Variants in CRYL1 observed in about 807,000 individuals in gnomAD.
CRYL1 encodes the protein lambda-crystallin homolog.
A neutral mutation model predicts 36.6 loss-of-function variants in CRYL1; 29 were observed. The ratio of observed to expected loss-of-function variants is 0.79; its 90% CI spans 0.59 to 1.08. The LOEUF is 1.08. Ranked by LOEUF, CRYL1 falls within the 50% of genes least tolerant of loss-of-function variation. The pLI, the probability that CRYL1 is intolerant of heterozygous loss-of-function variation, is 0.00. For missense variants in CRYL1, 411 were observed against 407.9 expected (o/e 1.01, Z -0.06); for synonymous variants, 152 against 151.5 (o/e 1.00, Z -0.02).
chr13:20,439,711 G>A lies in CRYL1; in HGVS notation c.320C>T (p.Ala107Val). ...EDLELKKKIF[A>V]QLDSIIDDRV... ...ATCATCAATGATGGAATCTAACTGA[G>A]CAAAAATCTTCTTCTTCAGTTCTAG... Residue 107 changes from alanine (A) to valine (V), a missense_variant, in exon 4 of 8, where the codon GCT (alanine) becomes GTT (valine). By Grantham distance (64) the Ala-to-Val change is moderately conservative. Transcript: ENST00000298248. The A allele has an allele frequency of 1.9e-6, 3 of 1,613,906 alleles. No individual in the cohort carries two copies. The highest frequency in any genetic ancestry group is 1.6e-4 in the Middle Eastern group (1 of 6,062).
chr13:20,457,808 G>C (rs138710347), intron 3 of CRYL1, among the ~76,000 whole-genome samples: 1 of 152,146 alleles, frequency 6.6e-6, no homozygotes, highest in African/African-American at 2.4e-5. Context: ...ACATGGGCTC[G>C]TTTAACTTTC....
At chr13:20,428,071 T>C (rs918777425) in intron 5 of CRYL1, among the ~76,000 whole-genome samples, 6 of 152,226 alleles carry the variant, frequency 3.9e-5, no homozygotes, top group African/African-American at 1.4e-4. Flanking sequence ...ATGGTTTCAC[T>C]GGAAAATTCT....
chr13:20,430,177 TA>T, intron 5 of CRYL1: 8 of 984,318 alleles, frequency 8.1e-6, no homozygotes, highest in Non-Finnish European at 9.7e-6. Flanking sequence ...TACCTGTAGA[TA>T]ATCCTTATTT....
intron 2 of CRYL1, among the ~76,000 whole-genome samples, chr13:20,495,579 G>C (rs934161245): frequency 6.6e-5 from 10 of 152,132 alleles, no homozygotes; most frequent in African/African-American, 2.4e-4. Context: ...AAAACGTATG[G>C]TGGTAACTCA....
chr13:20,441,106 C>T (rs2032342123), intron 3 of CRYL1, among the ~76,000 whole-genome samples: 1 of 152,202 alleles, frequency 6.6e-6, no homozygotes, highest in African/African-American at 2.4e-5. Context: ...TCACTCCTAA[C>T]CAAGGTCTCT....
chr13:20,419,771 A>G (rs893784779), intron 5 of CRYL1, among the ~76,000 whole-genome samples: 1 of 152,200 alleles, frequency 6.6e-6, no homozygotes, highest in African/African-American at 2.4e-5. Flanking sequence ...ATGAGAAACT[A>G]GTTGGAATTA....
At chr13:20,521,170 G>A (rs1219550970) in intron 1 of CRYL1, among the ~76,000 whole-genome samples, 2 of 145,530 alleles carry the variant, frequency 1.4e-5, no homozygotes, top group African/African-American at 5.1e-5. Flanking sequence ...ACGAACGAAC[G>A]AAAAAAAGAA....
Position 20,410,850 on chromosome 13 carries a change from T to C in CRYL1, c.739+2432A>G, listed in dbSNP as rs2031503402. ...GTGAACTTAAGTCATTTGCCCAAGGTTATACAGCCAGTAGGCTGGAAAGCC... is the reference window on the plus strand; with the variant it reads ...GTGAACTTAAGTCATTTGCCCAAGGCTATACAGCCAGTAGGCTGGAAAGCC... On this transcript the variant is annotated intron_variant, in intron 6 of 7. Coordinates refer to ENST00000298248, the MANE Select transcript of CRYL1 (RefSeq NM_015974.3). Among the ~76,000 whole-genome samples the C allele has an allele frequency of 6.6e-5, 10 of 152,328 alleles. No individual in the cohort carries two copies. The South Asian group carries it at 2.1e-3, about 32-fold the overall frequency.
intron 3 of CRYL1, among the ~76,000 whole-genome samples, chr13:20,477,751 T>C (rs2033193490): frequency 6.8e-6 from 1 of 146,276 alleles, no homozygotes; most frequent in African/African-American, 2.5e-5. Context: ...TATTATTTTG[T>C]ATACTAGATA....
intron 6 of CRYL1, among the ~76,000 whole-genome samples, chr13:20,408,726 T>G (rs1473141487): frequency 3.3e-5 from 5 of 152,090 alleles, no homozygotes; most frequent in Non-Finnish European, 7.4e-5. Context: ...GAGAGCCAAA[T>G]CATGAGTGAA....
At position 20,432,124 on chromosome 13, in the gene CRYL1, C is replaced by G; in HGVS notation, c.611G>C (p.Ser204Thr). The part of the protein sequence containing the change: ...VLNRLQYAII[S>T]EAWRLVEEGI... Reference sequence around the variant, plus strand: ...CACCTCCACTAGCCGCCAGGCCTCGCTGATGATTGCATATTGCAGGCGGTT... The same window carrying G: ...CACCTCCACTAGCCGCCAGGCCTCGGTGATGATTGCATATTGCAGGCGGTT... The change falls in exon 5 of 8, where the codon AGC (serine) becomes ACC (threonine). Residue 204 changes from serine (S) to threonine (T), a missense_variant. Physicochemically the swap from Ser to Thr is moderately conservative, Grantham distance 58. Coordinates refer to ENST00000298248, the MANE Select transcript of CRYL1 (RefSeq NM_015974.3). The G allele has an allele frequency of 6.2e-7, 1 of 1,614,174 alleles. No individual in the cohort carries two copies. Among genetic ancestry groups the G allele is most frequent in the Admixed American group, 1.7e-5 (1 of 60,024 alleles).
intron 1 of CRYL1, among the ~76,000 whole-genome samples, chr13:20,522,779 A>C (rs1489023235): frequency 6.6e-6 from 1 of 152,196 alleles, no homozygotes; most frequent in East Asian, 1.9e-4. Flanking sequence ...TGAATCTTGC[A>C]GTGTGTATAC....
chr13:20,511,188 A>G (rs1205979233), intron 2 of CRYL1, among the ~76,000 whole-genome samples: 3 of 151,896 alleles, frequency 2.0e-5, no homozygotes, highest in African/African-American at 7.3e-5. Flanking sequence ...GGGCTCAAGC[A>G]ATCCTTCTGC....
chr13:20,489,110 A>G (rs2033456161), intron 3 of CRYL1, among the ~76,000 whole-genome samples: 1 of 152,228 alleles, frequency 6.6e-6, no homozygotes, highest in Non-Finnish European at 1.5e-5. Flanking sequence ...AAAATACAAC[A>G]TTGTCACCAG....
chr13:20,507,238 A>C (rs1166611671), intron 2 of CRYL1, among the ~76,000 whole-genome samples: 2 of 152,254 alleles, frequency 1.3e-5, no homozygotes, highest in Admixed American at 6.5e-5. Context: ...ACAGTTGGGA[A>C]AATTTTAAAA....
intron 3 of CRYL1, among the ~76,000 whole-genome samples, chr13:20,486,072 C>T (rs9579872): frequency 0.13 from 18,526 of 147,352 alleles, 2,576 homozygotes; most frequent in African/African-American, 0.35. Flanking sequence ...GCACATGCCA[C>T]CACACCCGGC....
intron 5 of CRYL1, among the ~76,000 whole-genome samples, chr13:20,424,995 C>T (rs1190750670): frequency 1.3e-5 from 2 of 152,192 alleles, no homozygotes; most frequent in Non-Finnish European, 2.9e-5. Context: ...CCCAACTTCC[C>T]TACACACTGG....
At chr13:20,420,752 T>C (rs1416365060) in intron 5 of CRYL1, among the ~76,000 whole-genome samples, 3 of 132,314 alleles carry the variant, frequency 2.3e-5, no homozygotes, top group African/African-American at 5.4e-5. Context: ...TGTGTGTGTT[T>C]TGAGACAGAG....
At chr13:20,422,360 C>A (rs1174433017) in intron 5 of CRYL1, among the ~76,000 whole-genome samples, 1,735 of 129,140 alleles carry the variant, frequency 0.013, no homozygotes, top group Middle Eastern at 0.02. Flanking sequence ...ATTCCATTTC[C>A]AAAAAAAAAA....
Sources: allele counts gnomAD v4.1 joint callset (sites outside exome capture counted in the v4.1 genomes callset), GRCh38; gene constraint gnomAD v4.1.1; transcripts MANE v1.5; gene names NCBI Gene and HGNC (gene_info 2026-07-23, HGNC 2026-07-21).